Variants in EEFSEC observed in about 807,000 individuals in gnomAD.
The protein encoded by EEFSEC is selenocysteine-specific elongation factor.
In EEFSEC, 43 loss-of-function variants were observed where a neutral mutation model predicts 42.1. That is an observed-to-expected ratio of 1.02 (90% CI 0.80 to 1.32). The LOEUF is 1.32. Among genes scored for constraint, EEFSEC ranks in the 40% most tolerant of loss-of-function variants. The pLI is 0.00. For missense variants in EEFSEC, 745 were observed against 803.6 expected (o/e 0.93, Z 0.88); for synonymous variants, 354 against 339.1 (o/e 1.04, Z -0.48).
intron 1 of EEFSEC, among the ~76,000 whole-genome samples, chr3:128,178,044 G>A (rs1259894334): frequency 6.6e-6 from 1 of 152,208 alleles, no homozygotes; most frequent in Non-Finnish European, 1.5e-5. Context: ...TTATGTGCAT[G>A]TTGGTACATG....
chr3:128,373,821 C>A (rs970612816), intron 6 of EEFSEC, among the ~76,000 whole-genome samples: 1 of 152,112 alleles, frequency 6.6e-6, no homozygotes, highest in Non-Finnish European at 1.5e-5. Flanking sequence ...CAATTCTCAC[C>A]CATAAAATTT....
intron 4 of EEFSEC, among the ~76,000 whole-genome samples, chr3:128,334,202 C>T (rs779424681): frequency 7.9e-5 from 12 of 152,244 alleles, no homozygotes; most frequent in Non-Finnish European, 1.8e-4. Flanking sequence ...TTTGCTTTCT[C>T]ACCCGAGAAA....
intron 4 of EEFSEC, among the ~76,000 whole-genome samples, chr3:128,268,434 T>C (rs907977707): frequency 1.3e-5 from 2 of 152,146 alleles, no homozygotes; most frequent in Non-Finnish European, 2.9e-5. Flanking sequence ...GTATTTTGCA[T>C]GTGGGATGGA....
chr3:128,347,732 T>C (rs2067329975), intron 5 of EEFSEC, among the ~76,000 whole-genome samples: 1 of 152,178 alleles, frequency 6.6e-6, no homozygotes, highest in African/African-American at 2.4e-5. Context: ...AAGGACATCA[T>C]GTAACGATAA....
At chr3:128,291,252 T>C (rs1373737122) in intron 4 of EEFSEC, among the ~76,000 whole-genome samples, 1 of 152,246 alleles carries the variant, frequency 6.6e-6, no homozygotes, top group African/African-American at 2.4e-5. Flanking sequence ...TTTATATATT[T>C]TGAGCACATG....
intron 1 of EEFSEC, among the ~76,000 whole-genome samples, chr3:128,229,217 A>G (rs4857877): frequency 0.71 from 107,871 of 152,146 alleles, 38,459 homozygotes; most frequent in East Asian, 0.89. Flanking sequence ...CTATGATACT[A>G]GGTGTGGGGC....
chr3:128,420,592 C>G, the EEFSEC span, among the ~76,000 whole-genome samples: 1 of 152,230 alleles, frequency 6.6e-6, no homozygotes, highest in Admixed American at 6.5e-5. Flanking sequence ...CTTTGACGAG[C>G]CCTCCACGTC....
chr3:128,401,329 C>T (rs970730797), intron 6 of EEFSEC, among the ~76,000 whole-genome samples: 2 of 152,234 alleles, frequency 1.3e-5, no homozygotes, highest in Non-Finnish European at 2.9e-5. Flanking sequence ...AGGATGAATC[C>T]ATACTCATTC....
chr3:128,237,314 A>G (rs2066023020), intron 1 of EEFSEC, among the ~76,000 whole-genome samples: 1 of 151,884 alleles, frequency 6.6e-6, no homozygotes, highest in South Asian at 2.1e-4. Flanking sequence ...TATCTTACCT[A>G]GGTATTTTTT....
At chr3:128,253,135 A>G (rs2066205099) in intron 2 of EEFSEC, among the ~76,000 whole-genome samples, 1 of 152,208 alleles carries the variant, frequency 6.6e-6, no homozygotes, top group South Asian at 2.1e-4. Flanking sequence ...ACACACTGTT[A>G]TGTTCTATTA....
At chr3:128,304,271 T>C (rs1046618882) in intron 4 of EEFSEC, among the ~76,000 whole-genome samples, 1 of 152,104 alleles carries the variant, frequency 6.6e-6, no homozygotes, top group Non-Finnish European at 1.5e-5. Context: ...AAAGAGAGTT[T>C]ACATCATTAT....
the EEFSEC span, among the ~76,000 whole-genome samples, chr3:128,416,188 A>G: frequency 0.043 from 6,582 of 152,202 alleles, 481 homozygotes; most frequent in African/African-American, 0.15. Flanking sequence ...GGCCCACCGG[A>G]GAAGCACCCA....
At chr3:128,382,917 G>A (rs957938010) in intron 6 of EEFSEC, among the ~76,000 whole-genome samples, 4 of 152,326 alleles carry the variant, frequency 2.6e-5, no homozygotes, top group Non-Finnish European at 5.9e-5. Context: ...GTCCACACAA[G>A]GGAGCGGGCA....
intron 4 of EEFSEC, among the ~76,000 whole-genome samples, chr3:128,322,632 T>C (rs1157086116): frequency 2.6e-5 from 4 of 152,222 alleles, no homozygotes; most frequent in South Asian, 2.1e-4. Flanking sequence ...ACATGTGAGA[T>C]TGTGAGCCGT....
intron 6 of EEFSEC, among the ~76,000 whole-genome samples, chr3:128,388,101 A>C (rs1284015887): frequency 1.3e-5 from 2 of 152,246 alleles, no homozygotes. Flanking sequence ...CTGAACTGGC[A>C]GTGGCAGAAC....
chr3:128,189,832 T>G (rs1214823395), intron 1 of EEFSEC, among the ~76,000 whole-genome samples: 1 of 152,146 alleles, frequency 6.6e-6, no homozygotes, highest in Non-Finnish European at 1.5e-5. Flanking sequence ...AGTGCTAGGA[T>G]GAGCCACTGT....
intron 1 of EEFSEC, among the ~76,000 whole-genome samples, chr3:128,232,361 T>C (rs2065967430): frequency 2.0e-5 from 3 of 152,216 alleles, no homozygotes; most frequent in Admixed American, 2.0e-4. Flanking sequence ...AGTCTTTTTA[T>C]CCTAAGTACA....
At chr3:128,333,454 T>A (rs2108061837) in intron 4 of EEFSEC, among the ~76,000 whole-genome samples, 1 of 152,296 alleles carries the variant, frequency 6.6e-6, no homozygotes, top group African/African-American at 2.4e-5. Flanking sequence ...TCTGGTGTGA[T>A]GTAGTAAGAG....
At chr3:128,351,502 C>T (rs1051266505) in intron 5 of EEFSEC, among the ~76,000 whole-genome samples, 1 of 152,220 alleles carries the variant, frequency 6.6e-6, no homozygotes, top group African/African-American at 2.4e-5. Context: ...GTCCTGCGCA[C>T]GTGGTTCTCC....
Sources: gnomAD v4.1 joint callset for allele counts (sites outside exome capture counted in the v4.1 genomes callset) on GRCh38, gnomAD v4.1.1 for gene constraint, MANE v1.5 for transcripts, NCBI Gene and HGNC (gene_info 2026-07-23, HGNC 2026-07-21) for gene names.